PARVB: variants seen among roughly 807,000 people sequenced by gnomAD.
PARVB encodes parvin beta.
Under a neutral mutation model 47.0 loss-of-function variants are expected in PARVB, and 46 were observed. That is an observed-to-expected ratio of 0.98 (90% CI 0.77 to 1.25). The LOEUF is 1.25. Among genes scored for constraint, PARVB ranks in the 50% most tolerant of loss-of-function variants. The probability of loss-of-function intolerance (pLI) is 0.00; values close to 1 mark genes in which losing one functional copy is unlikely to be tolerated. For missense variants in PARVB, 473 were observed against 471.6 expected (o/e 1.00, Z -0.03); for synonymous variants, 196 against 196.3 (o/e 1.00, Z 0.01).
Position 44,131,643 on chromosome 22 carries a change from CAG to C in PARVB, c.517+17_517+18del, listed in dbSNP as rs771013990. The C allele has an allele frequency of 5.6e-6, 9 of 1,602,822 alleles. No homozygotes were observed. The South Asian group carries it at 7.8e-5, about 14-fold the overall frequency. On this transcript the variant is annotated intron_variant, in intron 5 of 12. Coordinates refer to ENST00000338758, the MANE Select transcript of PARVB (RefSeq NM_013327.5). ...AGCGTGGACTGTGAGTTCCACGCCA[CAG>C]GGGGAGGGACTGTCTGGAGGGAGCC...
intron 1 of PARVB, among the ~76,000 whole-genome samples, chr22:44,054,990 C>CAAA (rs3083343): frequency 2.6e-4 from 18 of 70,092 alleles, no homozygotes; most frequent in Non-Finnish European, 3.0e-4. Context: ...AACTCCATCT[C>CAAA]AAAAAAAAAA....
intron 2 of PARVB, among the ~76,000 whole-genome samples, chr22:44,013,977 G>A (rs1193842274): frequency 2.0e-5 from 3 of 152,178 alleles, no homozygotes; most frequent in Admixed American, 6.5e-5. Flanking sequence ...CACTCTGGGA[G>A]GCTAATGTGG....
In PARVB at chr22:44,171,089, A is replaced by G. The variant is rs1265290628; in HGVS notation, c.*2411A>G. 2.6e-5 allele frequency: 4 copies of G among 152,330 alleles called. No individual in the cohort carries two copies. The highest frequency in any genetic ancestry group is 2.0e-4 in the Admixed American group (3 of 15,288). 9.4% of individuals were successfully genotyped at this position (152,330 alleles called of 1,614,324 possible). ...GGCTGGAACGTTCTGTGCTGCCTGC[A>G]TGGCATGTACAGGACCGCGGCCCCC... is the stretch of plus-strand genomic sequence containing the variant. On this transcript the variant is annotated 3_prime_UTR_variant, in exon 13 of 13. Transcript: ENST00000338758.
chr22:44,040,429 C>T (rs1445231957), intron 1 of PARVB, among the ~76,000 whole-genome samples: 2 of 152,034 alleles, frequency 1.3e-5, no homozygotes, highest in African/African-American at 2.4e-5. Context: ...AAGTTAAGAA[C>T]CTTGAGATGG....
chr22:44,117,153 T>C (rs2052925592), intron 3 of PARVB, among the ~76,000 whole-genome samples: 1 of 151,852 alleles, frequency 6.6e-6, no homozygotes, highest in African/African-American at 2.4e-5. Flanking sequence ...GGCAGGGGCA[T>C]GGAGAGGCGG....
intron 12 of PARVB, 27 bp downstream of exon 12, chr22:44,163,957 G>T (rs373508022): frequency 1.3e-6 from 2 of 1,584,408 alleles, no homozygotes. Flanking sequence ...AGGTTCCCCC[G>T]GGAGAGGTGC....
rs1374456238 is a variant in PARVB at position 44,169,449 on chromosome 22, G to A, written c.*771G>A. The A allele has an allele frequency of 6.0e-5, 9 of 150,192 alleles. No individual in the cohort carries two copies. Among genetic ancestry groups the A allele is most frequent in the East Asian group, 1.9e-4 (1 of 5,174 alleles). The allele number at this position is 150,192 out of a possible 1,614,324, so 9.3% of individuals were successfully genotyped here. On this transcript the variant is annotated 3_prime_UTR_variant, in exon 13 of 13. Coordinates refer to ENST00000338758, the MANE Select transcript of PARVB (RefSeq NM_013327.5). ...AGATGGCTCTAATTGTGCTGCTTGAGACAGCTTGGGTCACAGCTTTCCCCT... is the reference window on the plus strand; with the variant it reads ...AGATGGCTCTAATTGTGCTGCTTGAAACAGCTTGGGTCACAGCTTTCCCCT...
Position 44,049,858 on chromosome 22 carries a change from T to C in PARVB, c.112+25407T>C, listed in dbSNP as rs73438648. On this transcript the variant is annotated intron_variant, in intron 1 of 12. Coordinates refer to ENST00000338758, the MANE Select transcript of PARVB (RefSeq NM_013327.5). The surrounding 1 kb of genome is among the most constrained non-coding windows in gnomAD (Gnocchi z 4.0). ...TTTATTGCCAAAGCCGTCCCGGCCT[T>C]GGCCTCAGCCTCTGTGTGGCTCTGG... 0.064 allele frequency among the ~76,000 whole-genome samples: 9,752 copies of C among 152,310 alleles called. 1,091 individuals carry two copies. The highest frequency in any genetic ancestry group is 0.22 in the African/African-American group (9,242 of 41,538).
intron 8 of PARVB, chr22:44,146,821 C>A (rs2053695890): frequency 6.6e-6 from 1 of 152,452 alleles, no homozygotes; most frequent in Non-Finnish European, 1.5e-5. Context: ...TGGGTTGGGG[C>A]CCCAGCCTGG....
chr22:44,158,032 C>T lies in PARVB; in HGVS notation c.894C>T (p.Tyr298=). ...LVLLMGLLED[Y]FVPLHHFYLT... is the part of the protein sequence containing the mutation. ...TGCTCATGGGCCTTCTGGAAGACTA[C>T]TTTGTTCCTCTCCACCACTTCTACC... Residue 298 remains tyrosine (Y), a synonymous_variant, in exon 11 of 13, where the codon TAC becomes TAT. Transcript: ENST00000338758. The T allele has an allele frequency of 1.2e-6, 2 of 1,614,106 alleles. No homozygotes were observed. The highest frequency in any genetic ancestry group is 2.7e-5 in the African/African-American group (2 of 75,048).
rs906657713 is a variant in PARVB at position 44,075,413 on chromosome 22, C to T, written c.113-18515C>T. Among the ~76,000 whole-genome samples the T allele has an allele frequency of 1.6e-4, 25 of 152,226 alleles. 1 individual carries two copies. Among genetic ancestry groups the T allele is most frequent in the Admixed American group, 1.4e-3 (21 of 15,292 alleles). On this transcript the variant is annotated intron_variant, in intron 1 of 12. Transcript: ENST00000338758. The stretch of plus-strand genomic sequence containing the variant: ...CCACGCACACTATCAACATCCTCCC[C>T]CTCTAACAACGTCCAGACCAGAGGG...
In PARVB at chr22:44,031,204, C is replaced by T. The variant is rs571666155; in HGVS notation, c.112+6753C>T. Among the ~76,000 whole-genome samples the T allele has an allele frequency of 2.0e-5, 3 of 152,320 alleles. No individual in the cohort carries two copies. In the South Asian group the frequency reaches 6.2e-4, roughly 32 times the overall value. On this transcript the variant is annotated intron_variant, in intron 1 of 12. Coordinates refer to ENST00000338758, the MANE Select transcript of PARVB (RefSeq NM_013327.5). ...AGGTCACTGCGACGCTGCCCAGCAC[C>T]TTCATGGGAAACGCTCCTCAGGGTG...
chr22:44,060,886 G>A (rs768619234), intron 1 of PARVB, among the ~76,000 whole-genome samples: 2 of 152,064 alleles, frequency 1.3e-5, no homozygotes, highest in East Asian at 1.9e-4. Context: ...CGGTTCCTGC[G>A]AGCCTCTGGT....
At chr22:44,158,817 G>A (rs1465833896) in intron 11 of PARVB, among the ~76,000 whole-genome samples, 1 of 152,216 alleles carries the variant, frequency 6.6e-6, no homozygotes, top group Non-Finnish European at 1.5e-5. Flanking sequence ...ATGTTGCTTT[G>A]GATTCATGGG....
At chr22:44,079,829 G>A (rs1188812494) in intron 1 of PARVB, among the ~76,000 whole-genome samples, 2 of 152,192 alleles carry the variant, frequency 1.3e-5, no homozygotes, top group Non-Finnish European at 2.9e-5. Context: ...TTGGGAGGCT[G>A]AGGCAGGAGG....
At chr22:44,003,513 C>T (rs1296787610) in intron 2 of PARVB, among the ~76,000 whole-genome samples, 3 of 152,098 alleles carry the variant, frequency 2.0e-5, no homozygotes, top group African/African-American at 7.2e-5. Context: ...AAACCTTAAC[C>T]CAGAGAGATT....
intron 1 of PARVB, chr22:44,026,195 C>G (rs2050725501): frequency 4.7e-6 from 2 of 423,520 alleles, no homozygotes; most frequent in Admixed American, 1.3e-4. Flanking sequence ...CCAAAGTACG[C>G]AGTGCTTCTC....
chr22:44,028,866 C>T (rs1434492295), intron 1 of PARVB, among the ~76,000 whole-genome samples: 6 of 152,194 alleles, frequency 3.9e-5, no homozygotes, highest in Admixed American at 1.3e-4. Flanking sequence ...TGTTTCAATT[C>T]GCATTTCCCT....
chr22:44,042,376 G>C (rs561658584), intron 1 of PARVB, among the ~76,000 whole-genome samples: 1 of 152,200 alleles, frequency 6.6e-6, no homozygotes, highest in Non-Finnish European at 1.5e-5. Context: ...AGCCGAGATT[G>C]TGCCACTTCA....
Sources: gnomAD v4.1 joint callset for allele counts (sites outside exome capture counted in the v4.1 genomes callset) on GRCh38, gnomAD v4.1.1 for gene constraint, Gnocchi (gnomAD v3.1) non-coding constraint, MANE v1.5 for transcripts, NCBI Gene and HGNC (gene_info 2026-07-23, HGNC 2026-07-21) for gene names.